Variants in PDZRN3 observed in about 807,000 individuals in gnomAD.
The protein encoded by PDZRN3 is PDZ domain containing ring finger 3.
A neutral mutation model predicts 85.7 loss-of-function variants in PDZRN3; 38 were observed. The observed-to-expected ratio is 0.44, with a 90% CI of 0.34 to 0.58. The LOEUF is 0.58. Ranked by LOEUF, PDZRN3 falls within the 20% of genes least tolerant of loss-of-function variation. PDZRN3 has a pLI of 0.01. For missense variants in PDZRN3, 1,629 were observed against 1,506.4 expected, an observed-to-expected ratio of 1.08 and a Z score of -1.35; for synonymous variants, 759 against 638.0, an observed-to-expected ratio of 1.19 and a Z score of -2.86.
In PDZRN3 at chr3:73,384,761, C is replaced by T. The variant is rs772232498; in HGVS notation, c.1805G>A (p.Gly602Glu). The T allele has an allele frequency of 8.1e-6, 13 of 1,613,864 alleles. 2 individuals are homozygous for T. The Admixed American group carries it at 1.0e-4, about 12-fold the overall frequency. Reference protein sequence around the residue: ...DATASSNPLAGQRKLTCSQDT... With the variant: ...DATASSNPLAEQRKLTCSQDT... ...CTGGCTGCAGGTGAGCTTCCTCTGC[C>T]CCGCCAGCGGGTTGGAGGATGCGGT... Residue 602 changes from glycine (G) to glutamate (E), a missense_variant, in exon 10 of 10, where the codon GGG becomes GAG. By Grantham distance (98) the Gly-to-Glu change is moderately conservative. Transcript: ENST00000263666.
At chr3:73,389,557 G>A (rs1252251643) in intron 7 of PDZRN3, among the ~76,000 whole-genome samples, 2 of 152,130 alleles carry the variant, frequency 1.3e-5, no homozygotes, top group Non-Finnish European at 2.9e-5. Context: ...AAGGAGAACT[G>A]GCTCAAATTT....
At chr3:73,418,124 C>T (rs893845934) in intron 3 of PDZRN3, among the ~76,000 whole-genome samples, 1 of 152,082 alleles carries the variant, frequency 6.6e-6, no homozygotes, top group African/African-American at 2.4e-5. Flanking sequence ...ATGACTCACC[C>T]TCTCGACTTC....
At chr3:73,509,934 T>G (rs1704133863) in intron 3 of PDZRN3, among the ~76,000 whole-genome samples, 1 of 152,166 alleles carries the variant, frequency 6.6e-6, no homozygotes, top group African/African-American at 2.4e-5. Context: ...AAGCAATCGT[T>G]GCAAATGTTT....
At chr3:73,557,285 A>C (rs867235817) in intron 3 of PDZRN3, among the ~76,000 whole-genome samples, 7 of 152,232 alleles carry the variant, frequency 4.6e-5, no homozygotes, top group African/African-American at 1.7e-4. Context: ...AAGAAAAAAC[A>C]CAAGTATTCT....
At position 73,437,741 on chromosome 3, in the gene PDZRN3, C is replaced by T. The variant is rs950276031; in HGVS notation, c.919-33346G>A. On this transcript the variant is annotated intron_variant, in intron 3 of 9. Transcript: ENST00000263666. ...TTTTTTTTTTCTAATTTAAAGTACC[C>T]TTTACTTTGGAAAATCATCTAGCAC... Among the ~76,000 whole-genome samples the T allele has an allele frequency of 5.2e-4, 79 of 152,184 alleles. 1 individual carries two copies. The highest frequency in any genetic ancestry group is 3.9e-3 in the Admixed American group (60 of 15,298).
intron 1 of PDZRN3, among the ~76,000 whole-genome samples, chr3:73,621,161 G>A (rs557678057): frequency 6.6e-6 from 1 of 152,172 alleles, no homozygotes; most frequent in African/African-American, 2.4e-5. Context: ...CTCCAATCAC[G>A]CTAAGGCTTG....
chr3:73,612,768 A>T (rs1279380446), intron 1 of PDZRN3, among the ~76,000 whole-genome samples: 1 of 152,182 alleles, frequency 6.6e-6, no homozygotes, highest in African/African-American at 2.4e-5. Flanking sequence ...AGAACCTGTG[A>T]TGTTTCCTCA....
chr3:73,544,656 C>T (rs898025816), intron 3 of PDZRN3, among the ~76,000 whole-genome samples: 4 of 150,950 alleles, frequency 2.6e-5, no homozygotes, highest in African/African-American at 9.7e-5. Context: ...TGAATTTTTT[C>T]CATTGACTAC....
At chr3:73,527,720 C>T (rs961492869) in intron 3 of PDZRN3, among the ~76,000 whole-genome samples, 4 of 152,126 alleles carry the variant, frequency 2.6e-5, no homozygotes, top group Non-Finnish European at 4.4e-5. Flanking sequence ...AATTTGCCCA[C>T]TCCTAATAGT....
intron 3 of PDZRN3, among the ~76,000 whole-genome samples, chr3:73,486,290 G>A (rs981254503): frequency 6.6e-6 from 1 of 152,150 alleles, no homozygotes; most frequent in Non-Finnish European, 1.5e-5. Flanking sequence ...AAGAGCCCAT[G>A]GATAGGAGGG....
intron 3 of PDZRN3, among the ~76,000 whole-genome samples, chr3:73,452,591 C>G (rs1376347390): frequency 6.6e-6 from 1 of 152,184 alleles, no homozygotes; most frequent in Admixed American, 6.5e-5. Flanking sequence ...CTTCCAGGAT[C>G]ATCTCATCCA....
At chr3:73,473,236 T>G (rs373214068) in intron 3 of PDZRN3, among the ~76,000 whole-genome samples, 1 of 152,180 alleles carries the variant, frequency 6.6e-6, no homozygotes, top group Non-Finnish European at 1.5e-5. Context: ...AAAAACTCTT[T>G]CGCAGAAATA....
chr3:73,391,873 TAGCTCCA>T (rs1576027126), intron 5 of PDZRN3, among the ~76,000 whole-genome samples: 1 of 152,152 alleles, frequency 6.6e-6, no homozygotes, highest in African/African-American at 2.4e-5. Context: ...CAAGTTTTTG[TAGCTCCA>T]AGCTGCAAGC....
intron 3 of PDZRN3, among the ~76,000 whole-genome samples, chr3:73,468,365 T>A (rs1703264637): frequency 6.6e-6 from 1 of 152,174 alleles, no homozygotes; most frequent in African/African-American, 2.4e-5. Flanking sequence ...ATTTTGATTC[T>A]GGCTTCCAGG....
At chr3:73,475,403 A>T (rs1703429029) in intron 3 of PDZRN3, among the ~76,000 whole-genome samples, 1 of 152,202 alleles carries the variant, frequency 6.6e-6, no homozygotes, top group Non-Finnish European at 1.5e-5. Flanking sequence ...TTCTCCCACA[A>T]ATGAAATGAA....
At chr3:73,422,510 A>T (rs1213266313) in intron 3 of PDZRN3, among the ~76,000 whole-genome samples, 1 of 152,214 alleles carries the variant, frequency 6.6e-6, no homozygotes, top group Non-Finnish European at 1.5e-5. Flanking sequence ...AAAAAAAATC[A>T]CTGAAATATT....
intron 3 of PDZRN3, among the ~76,000 whole-genome samples, chr3:73,511,848 T>C (rs986340007): frequency 2.6e-5 from 4 of 152,196 alleles, no homozygotes; most frequent in Admixed American, 2.0e-4. Flanking sequence ...CGGCCCATAT[T>C]TACATGAACG....
intron 3 of PDZRN3, among the ~76,000 whole-genome samples, chr3:73,517,104 G>A (rs1195854227): frequency 1.3e-5 from 2 of 152,164 alleles, no homozygotes; most frequent in African/African-American, 4.8e-5. Context: ...GAAAGGAGGT[G>A]TGTGTGTGCG....
intron 3 of PDZRN3, among the ~76,000 whole-genome samples, chr3:73,507,763 A>G (rs1704092893): frequency 6.6e-6 from 1 of 152,114 alleles, no homozygotes; most frequent in South Asian, 2.1e-4. Flanking sequence ...ACTCTCAGGT[A>G]TTGGCAATTG....
Sources: allele counts gnomAD v4.1 joint callset (sites outside exome capture counted in the v4.1 genomes callset), GRCh38; gene constraint gnomAD v4.1.1; transcripts MANE v1.5; gene names NCBI Gene and HGNC (gene_info 2026-07-23, HGNC 2026-07-21).